VPS8: variants seen among roughly 807,000 people sequenced by gnomAD.
VPS8 encodes the protein vacuolar protein sorting-associated protein 8 homolog.
A neutral mutation model predicts 216.4 loss-of-function variants in VPS8; 129 were observed. The ratio of observed to expected loss-of-function variants is 0.60; its 90% confidence interval spans 0.52 to 0.69. The LOEUF (loss-of-function observed/expected upper bound fraction) is 0.69. Among genes scored for constraint, VPS8 ranks in the 30% least tolerant of loss-of-function variants. The pLI is 0.00. For synonymous variants in VPS8, 571 were observed against 565.4 expected, an observed-to-expected ratio of 1.01 and a Z score of -0.14; for missense variants, 1,531 against 1,683.5, an observed-to-expected ratio of 0.91 and a Z score of 1.59.
intron 25 of VPS8, among the ~76,000 whole-genome samples, chr3:184,902,969 A>G (rs894680042): frequency 6.6e-6 from 1 of 152,210 alleles, no homozygotes; most frequent in East Asian, 1.9e-4. Flanking sequence ...TAAATGATGT[A>G]AGGTAAAGTT....
intron 36 of VPS8, among the ~76,000 whole-genome samples, chr3:184,942,878 T>C (rs998449673): frequency 2.0e-5 from 3 of 152,212 alleles, no homozygotes; most frequent in Admixed American, 2.0e-4. Context: ...TAGTAACATA[T>C]TGAGTTCCGG....
intron 42 of VPS8, among the ~76,000 whole-genome samples, chr3:184,989,770 G>A (rs1167576126): frequency 6.6e-6 from 1 of 152,078 alleles, no homozygotes; most frequent in Non-Finnish European, 1.5e-5. Context: ...CTCAGAGAAT[G>A]AGTTAAGAAG....
intron 1 of VPS8, among the ~76,000 whole-genome samples, chr3:184,818,893 A>G (rs1219814606): frequency 6.6e-6 from 1 of 152,166 alleles, no homozygotes; most frequent in Non-Finnish European, 1.5e-5. Flanking sequence ...AAAGCCAGGC[A>G]TGGTGGCACA....
At chr3:184,873,388 G>T (rs1256904510) in intron 21 of VPS8, among the ~76,000 whole-genome samples, 1 of 152,074 alleles carries the variant, frequency 6.6e-6, no homozygotes, top group Non-Finnish European at 1.5e-5. Flanking sequence ...GAGAATTACA[G>T]CAAGCATCTA....
intron 45 of VPS8, among the ~76,000 whole-genome samples, chr3:185,012,230 TTAA>T (rs1351895982): frequency 1.3e-5 from 2 of 148,350 alleles, no homozygotes; most frequent in Non-Finnish European, 3.0e-5. Flanking sequence ...TAGATATATA[TTAA>T]TGTATAAATT....
intron 13 of VPS8, among the ~76,000 whole-genome samples, chr3:184,855,049 T>C (rs1484811091): frequency 6.6e-6 from 1 of 152,184 alleles, no homozygotes; most frequent in East Asian, 1.9e-4. Flanking sequence ...TCCTTTCAGA[T>C]GGCAAAACTG....
intron 38 of VPS8, 39 bp from the exon 39 acceptor site, chr3:184,966,632 G>C: frequency 6.9e-7 from 1 of 1,441,548 alleles, no homozygotes; most frequent in South Asian, 1.4e-5. Flanking sequence ...GAACTATAAA[G>C]TGTTCCTTTT....
At position 185,052,113 on chromosome 3, in the gene VPS8, C is replaced by T. The variant is rs755856132; in HGVS notation, c.*88C>T. On this transcript the variant is annotated 3_prime_UTR_variant, in exon 48 of 48. Coordinates refer to ENST00000625842, the MANE Select transcript of VPS8 (RefSeq NM_001009921.3). ...CCGCCTCTGGTGGGCTTGGCCTCCA[C>T]CACCTCCCACGCTTCTGAGAAGAGG... The T allele has an allele frequency of 3.5e-5, 49 of 1,417,734 alleles. No individual in the cohort carries two copies. The highest frequency in any genetic ancestry group is 4.2e-5 in the Non-Finnish European group (45 of 1,068,928). 87.8% of individuals were successfully genotyped at this position (1,417,734 alleles called of 1,614,324 possible).
chr3:184,833,962 T>C (rs1376859977), intron 4 of VPS8, among the ~76,000 whole-genome samples: 2 of 152,242 alleles, frequency 1.3e-5, no homozygotes, highest in Non-Finnish European at 2.9e-5. Context: ...CAGTAATAAC[T>C]GACTTTCTTA....
At chr3:185,038,972 C>T (rs1002861752) in intron 46 of VPS8, among the ~76,000 whole-genome samples, 13 of 152,168 alleles carry the variant, frequency 8.5e-5, no homozygotes, top group Non-Finnish European at 1.6e-4. Context: ...CTCTTGACTG[C>T]GCTCAGCTAG....
intron 44 of VPS8, 44 bp downstream of exon 44, chr3:184,996,545 C>T: frequency 6.5e-7 from 1 of 1,532,838 alleles, no homozygotes; most frequent in Non-Finnish European, 8.8e-7. Context: ...ACATGTACAT[C>T]TGTGGCATTA....
At chr3:184,942,250 T>C (rs1407537176) in intron 36 of VPS8, among the ~76,000 whole-genome samples, 1 of 152,232 alleles carries the variant, frequency 6.6e-6, no homozygotes, top group Non-Finnish European at 1.5e-5. Flanking sequence ...AGATGTTAGT[T>C]AGGTAAGACC....
At chr3:185,011,425 G>C (rs961759898) in intron 45 of VPS8, among the ~76,000 whole-genome samples, 2 of 152,202 alleles carry the variant, frequency 1.3e-5, no homozygotes, top group African/African-American at 4.8e-5. Flanking sequence ...AGAGGTCAAA[G>C]TACAAGACTA....
At position 184,894,742 on chromosome 3, in the gene VPS8, G is replaced by A. The variant is rs773513236; in HGVS notation, c.1821G>A (p.Glu607=). 6.2e-7 allele frequency: 1 copy of A among 1,607,668 alleles called. No individual in the cohort carries two copies. The highest frequency in any genetic ancestry group is 8.5e-7 in the Non-Finnish European group (1 of 1,176,748). Residue 607 remains glutamate, a synonymous_variant, in exon 23 of 48, where the codon GAG becomes GAA. Transcript: ENST00000625842. ...LFSQMYDKLS[E]NSVAKGVFLE... ...GTCAGATGTATGATAAATTAAGTGA[G>A]AATTCAGTGGCCAAAGGAGTATTTT...
intron 34 of VPS8, 24 bp downstream of exon 34, chr3:184,930,592 C>A: frequency 6.5e-7 from 1 of 1,539,312 alleles, no homozygotes; most frequent in Non-Finnish European, 9.0e-7. Context: ...AAACTTCACA[C>A]TTCACCATCT....
chr3:184,908,293 T>C (rs1735853109), intron 25 of VPS8, among the ~76,000 whole-genome samples: 1 of 152,202 alleles, frequency 6.6e-6, no homozygotes, highest in South Asian at 2.1e-4. Context: ...ACAGGAATTT[T>C]CTCTCGGTCC....
chr3:184,925,054 T>TCCTGATG (rs1739333546), intron 30 of VPS8, 73 bp downstream of exon 30: 1 of 1,516,410 alleles, frequency 6.6e-7, no homozygotes, highest in East Asian at 2.4e-5. Context: ...TTACACTGTT[T>TCCTGATG]CCTGATGTGA....
At chr3:184,907,417 A>G (rs752703174) in intron 25 of VPS8, among the ~76,000 whole-genome samples, 2 of 152,192 alleles carry the variant, frequency 1.3e-5, no homozygotes, top group African/African-American at 2.4e-5. Context: ...TGAGGGAGGT[A>G]TGTAGCTTCT....
At chr3:184,880,080 G>T (rs1432079678) in intron 21 of VPS8, among the ~76,000 whole-genome samples, 3 of 151,970 alleles carry the variant, frequency 2.0e-5, no homozygotes, top group African/African-American at 2.4e-5. Context: ...TGTGTATTTG[G>T]TTTTTTTAAA....
Sources: allele counts gnomAD v4.1 joint callset (sites outside exome capture counted in the v4.1 genomes callset), GRCh38; gene constraint gnomAD v4.1.1; transcripts MANE v1.5; gene names NCBI Gene and HGNC (gene_info 2026-07-23, HGNC 2026-07-21).